The following CBFA2T2 variants were observed in gnomAD, a reference collection of about 807,000 sequenced individuals.
The protein encoded by CBFA2T2 is CBFA2/RUNX1 partner transcriptional co-repressor 2.
CBFA2T2 carries 11 observed loss-of-function variants against 62.2 expected under a neutral mutation model. That is an observed-to-expected ratio of 0.18 (90% confidence interval 0.11 to 0.29). The LOEUF (loss-of-function observed/expected upper bound fraction) is 0.29. CBFA2T2 is among the 10% of genes least tolerant of loss of function. The pLI is 1.00. For missense variants in CBFA2T2, 592 were observed against 774.1 expected (o/e 0.76, Z 2.79); for synonymous variants, 295 against 287.5 (o/e 1.03, Z -0.27).
intron 5 of CBFA2T2, among the ~76,000 whole-genome samples, chr20:33,624,236 T>TTA (rs2016123935): frequency 2.9e-5 from 2 of 70,030 alleles, no homozygotes; most frequent in African/African-American, 8.7e-5. Flanking sequence ...TTTTTAAAAG[T>TTA]AAAAAAAAAA....
At chr20:33,616,304 T>C (rs560785687) in intron 3 of CBFA2T2, among the ~76,000 whole-genome samples, 4 of 152,312 alleles carry the variant, frequency 2.6e-5, no homozygotes, top group Admixed American at 2.6e-4. Flanking sequence ...TGTCACTATA[T>C]GTAGAGGAAA....
chr20:33,575,248 C>A (rs1459214007), intron 1 of CBFA2T2, among the ~76,000 whole-genome samples: 1 of 152,156 alleles, frequency 6.6e-6, no homozygotes, highest in African/African-American at 2.4e-5. Context: ...GCAATTATTT[C>A]TAGTCATTAT....
chr20:33,507,457 C>G (rs148207715), intron 1 of CBFA2T2, among the ~76,000 whole-genome samples: 1 of 152,216 alleles, frequency 6.6e-6, no homozygotes, highest in East Asian at 1.9e-4. Flanking sequence ...TCTGTTTTTC[C>G]TTACAACATA....
rs373711482 is a variant in CBFA2T2 at position 33,640,465 on chromosome 20, G to A, written c.1422G>A (p.Ala474=). The part of the protein sequence containing the change: ...TERARMEQTI[A]DVKRQAAEDA... ...GAGCACGAATGGAGCAAACCATAGC[G>A]GATGTCAAGCGGCAGGCCGCAGAGG... is the stretch of plus-strand genomic sequence containing the variant. Residue 474 remains alanine (A), a synonymous_variant, in exon 10 of 11, where the codon GCG becomes GCA. Coordinates refer to ENST00000342704, the MANE Select transcript of CBFA2T2 (RefSeq NM_001032999.3). 114 of 1,614,152 alleles carry A rather than the reference G, an allele frequency of 7.1e-5. No individual in the cohort carries two copies. Among genetic ancestry groups the A allele is most frequent in the African/African-American group, 1.1e-4 (8 of 74,958 alleles).
At chr20:33,558,860 C>A (rs753766009) in intron 1 of CBFA2T2, among the ~76,000 whole-genome samples, 4 of 151,454 alleles carry the variant, frequency 2.6e-5, no homozygotes, top group Non-Finnish European at 5.9e-5. Flanking sequence ...ATTTTAGATT[C>A]GGGTACATGT....
In CBFA2T2 at chr20:33,556,834, T is replaced by A. The variant is rs185770214; in HGVS notation, c.35-50122T>A. Among the ~76,000 whole-genome samples, 5 of 152,140 alleles carry A rather than the reference T, an allele frequency of 3.3e-5. No homozygotes were observed. The East Asian group carries it at 9.6e-4, about 29-fold the overall frequency. ...CTTCCTTGTTGATTGGTTAAAAAAA[T>A]TAAATATGGATTATGCTCTAATCCA... On this transcript the variant is annotated intron_variant, in intron 1 of 10. Coordinates refer to ENST00000342704, the MANE Select transcript of CBFA2T2 (RefSeq NM_001032999.3).
chr20:33,607,761 C>T (rs998860948), intron 2 of CBFA2T2, among the ~76,000 whole-genome samples: 1 of 152,132 alleles, frequency 6.6e-6, no homozygotes, highest in Non-Finnish European at 1.5e-5. Flanking sequence ...CTCTTTTAAC[C>T]TTAATGAACT....
At chr20:33,598,420 A>G (rs1221981254) in intron 1 of CBFA2T2, among the ~76,000 whole-genome samples, 2 of 152,178 alleles carry the variant, frequency 1.3e-5, no homozygotes, top group Non-Finnish European at 2.9e-5. Flanking sequence ...TGAGAAAAAG[A>G]ATTCAGTGAT....
chr20:33,553,175 TA>T (rs2146886346), intron 1 of CBFA2T2, among the ~76,000 whole-genome samples: 1 of 152,300 alleles, frequency 6.6e-6, no homozygotes, highest in South Asian at 2.1e-4. Context: ...GGTGTTTGAG[TA>T]TTAGAACTTT....
intron 1 of CBFA2T2, among the ~76,000 whole-genome samples, chr20:33,516,267 C>T (rs990746991): frequency 1.3e-5 from 2 of 151,920 alleles, no homozygotes; most frequent in Non-Finnish European, 2.9e-5. Context: ...ATCAGGAGTT[C>T]GAGACCAGTC....
Position 33,588,839 on chromosome 20 carries a change from C to T in CBFA2T2, c.35-18117C>T, listed in dbSNP as rs971491493. On this transcript the variant is annotated intron_variant, in intron 1 of 10. Coordinates refer to ENST00000342704, the MANE Select transcript of CBFA2T2 (RefSeq NM_001032999.3). ...GCAAGTGCCTGTAATGCCAGTTACT[C>T]TCTGAGGCAGGAGAATCACTTGAAT... Among the ~76,000 whole-genome samples the T allele has an allele frequency of 5.9e-5, 9 of 151,952 alleles. No individual in the cohort carries two copies. In the South Asian group the frequency reaches 1.9e-3, roughly 32 times the overall value.
At chr20:33,547,253 A>G (rs758805673) in intron 1 of CBFA2T2, among the ~76,000 whole-genome samples, 10 of 152,132 alleles carry the variant, frequency 6.6e-5, no homozygotes, top group Non-Finnish European at 1.2e-4. Flanking sequence ...GGGACCAAGC[A>G]TGGAAGATTA....
chr20:33,625,145 A>G (rs2016175297), intron 6 of CBFA2T2, 128 bp downstream of exon 6: 11 of 877,224 alleles, frequency 1.3e-5, no homozygotes, highest in Admixed American at 2.8e-5. Flanking sequence ...TACATAGACT[A>G]TTAGAATCAT....
At chr20:33,532,817 A>G (rs2012098675) in intron 1 of CBFA2T2, among the ~76,000 whole-genome samples, 1 of 152,220 alleles carries the variant, frequency 6.6e-6, no homozygotes, top group African/African-American at 2.4e-5. Flanking sequence ...TGTATATGGC[A>G]TGGTATTATA....
At chr20:33,523,409 A>G (rs2011788121) in intron 1 of CBFA2T2, among the ~76,000 whole-genome samples, 1 of 151,648 alleles carries the variant, frequency 6.6e-6, no homozygotes, top group African/African-American at 2.4e-5. Flanking sequence ...CCTCCCATAT[A>G]TGTTTGCAGC....
At chr20:33,545,470 T>TTTCTTTCTTTCTTTCTTTCG (rs1209263074) in intron 1 of CBFA2T2, among the ~76,000 whole-genome samples, 207 of 151,422 alleles carry the variant, frequency 1.4e-3, no homozygotes, top group South Asian at 6.2e-3. Flanking sequence ...TCTTTCTTTC[T>TTTCTTTCTTTCTTTCTTTCG]TTCGTTCGTT....
intron 1 of CBFA2T2, among the ~76,000 whole-genome samples, chr20:33,512,813 G>A (rs1396364841): frequency 6.7e-6 from 1 of 148,940 alleles, no homozygotes; most frequent in Admixed American, 6.7e-5. Flanking sequence ...GTGCAGTGGC[G>A]CGATCTCGGG....
At chr20:33,587,447 T>C (rs1964822) in intron 1 of CBFA2T2, among the ~76,000 whole-genome samples, 43,712 of 151,650 alleles carry the variant, frequency 0.29, 6,496 homozygotes, top group Middle Eastern at 0.3. Flanking sequence ...TTCATGTTTT[T>C]GGTAGAGACA....
chr20:33,557,293 G>A (rs532172607), intron 1 of CBFA2T2, among the ~76,000 whole-genome samples: 4 of 152,186 alleles, frequency 2.6e-5, no homozygotes, highest in South Asian at 2.1e-4. Flanking sequence ...GATTACAGGC[G>A]TGAGCCACTG....
Sources: gnomAD v4.1 joint callset for allele counts (sites outside exome capture counted in the v4.1 genomes callset) on GRCh38, gnomAD v4.1.1 for gene constraint, MANE v1.5 for transcripts, NCBI Gene and HGNC (gene_info 2026-07-23, HGNC 2026-07-21) for gene names.